Variants in ABR observed in about 807,000 individuals in gnomAD.
The protein encoded by ABR is ABR activator of RhoGEF and GTPase, also known as active breakpoint cluster region-related protein.
A neutral mutation model predicts 107.2 loss-of-function variants in ABR; 35 were observed. The observed-to-expected ratio is 0.33, with a 90% confidence interval of 0.25 to 0.43. The LOEUF (loss-of-function observed/expected upper bound fraction) is 0.43, where lower values mean the gene tolerates loss of function less well. Among genes scored for constraint, ABR ranks in the 20% least tolerant of loss-of-function variants. The pLI is 1.00. For missense variants in ABR, 815 were observed against 1,115.2 expected (o/e 0.73, Z 3.83); for synonymous variants, 498 against 462.0 (o/e 1.08, Z -1.00).
chr17:1,214,832 A>G (rs2042968734), intron 1 of ABR, among the ~76,000 whole-genome samples: 1 of 151,758 alleles, frequency 6.6e-6, no homozygotes, highest in African/African-American at 2.4e-5. Flanking sequence ...TTGATTGTAC[A>G]TAGTTTTTCC....
Position 1,148,981 on chromosome 17 carries a change from A to G in ABR, c.62-23614T>C, listed in dbSNP as rs1405849240. ...CAGTGGCGCCATCTCGGCTCACTGC[A>G]AGCTCCGCCTCCTGGGTTCACGCCA... On this transcript the variant is annotated intron_variant, in intron 1 of 22. Transcript: ENST00000302538. The surrounding 1 kb of genome is among the most constrained non-coding windows in gnomAD (Gnocchi z 4.9). 6.6e-6 allele frequency among the ~76,000 whole-genome samples: 1 copy of G among 151,196 alleles called. No individual in the cohort carries two copies. Among genetic ancestry groups the G allele is most frequent in the Non-Finnish European group, 1.5e-5 (1 of 67,872 alleles).
Position 1,211,812 on chromosome 17 carries a change from G to A in ABR, c.838+16981C>T, listed in dbSNP as rs142874252. On this transcript the variant is annotated intron_variant, in intron 1 of 22. Transcript: ENST00000574139. ...TTACTGTAACAAGGCCGGCCACGGT[G>A]GCTCATGCCTGTAATCCCAGCACTT... Among the ~76,000 whole-genome samples the A allele has an allele frequency of 6.4e-3, 982 of 152,262 alleles. 5 individuals are homozygous for A. The highest frequency in any genetic ancestry group is 0.022 in the African/African-American group (916 of 41,534).
intron 16 of ABR, among the ~76,000 whole-genome samples, chr17:1,022,269 G>A (rs1255039699): frequency 6.6e-6 from 1 of 152,202 alleles, no homozygotes; most frequent in South Asian, 2.1e-4. Flanking sequence ...GGGTCTGAGG[G>A]TGGGCACGTT....
intron 2 of ABR, 96 bp from the exon 3 acceptor site, chr17:1,100,831 A>ATTT: frequency 9.4e-7 from 1 of 1,062,782 alleles, no homozygotes; most frequent in Non-Finnish European, 1.4e-6. Context: ...CCCGACCTTT[A>ATTT]TTTTTTTTTT....
At chr17:1,115,000 A>G (rs184759507) in intron 2 of ABR, among the ~76,000 whole-genome samples, 3 of 152,326 alleles carry the variant, frequency 2.0e-5, no homozygotes, top group African/African-American at 7.2e-5. Flanking sequence ...AGAGTTCACA[A>G]TTCTAGCACG....
rs186865846 is a variant in ABR, at chr17:1,127,639, G to A, written c.62-2272C>T. ...CTCCAGGCTGCCCTGTTGGTGCCTG[G>A]AGTCCAGGGAAAATAAGCAATAGTG... is the stretch of plus-strand genomic sequence containing the variant. On this transcript the variant is annotated intron_variant, in intron 1 of 22. Coordinates refer to ENST00000302538, the MANE Select transcript of ABR (RefSeq NM_021962.5). Among the ~76,000 whole-genome samples the A allele has an allele frequency of 5.3e-5, 8 of 152,270 alleles. No homozygotes were observed. In the East Asian group the frequency reaches 1.2e-3, roughly 22 times the overall value.
At position 1,177,020 on chromosome 17, in the gene ABR, T is replaced by C. The variant is rs1319209898; in HGVS notation, c.61+2647A>G. Among the ~76,000 whole-genome samples, 4 of 152,040 alleles carry C rather than the reference T, an allele frequency of 2.6e-5. No individual in the cohort carries two copies. The East Asian group carries it at 7.7e-4, about 29-fold the overall frequency. On this transcript the variant is annotated intron_variant, in intron 1 of 22. Transcript: ENST00000302538. ...AACCTCTAACACCGAGTCATTCCCA[T>C]CTCTAAGTCACACTGCCACCCTGTG...
At chr17:1,093,575 T>C (rs2037182370) in intron 3 of ABR, among the ~76,000 whole-genome samples, 2 of 152,230 alleles carry the variant, frequency 1.3e-5, no homozygotes, top group Admixed American at 6.5e-5. Flanking sequence ...CTGTCCCCCA[T>C]AGGATTAAGT....
intron 4 of ABR, among the ~76,000 whole-genome samples, chr17:1,088,087 TC>T (rs1305264189): frequency 6.6e-6 from 1 of 151,340 alleles, no homozygotes; most frequent in Non-Finnish European, 1.5e-5. Context: ...CTGACCCGGC[TC>T]CCCCCGGGCC....
rs2073276156 is a variant in ABR at position 1,037,372 on chromosome 17, G to A, written c.1791+12678C>T. 6.6e-6 allele frequency among the ~76,000 whole-genome samples: 1 copy of A among 152,122 alleles called. No individual in the cohort carries two copies. The highest frequency in any genetic ancestry group is 2.4e-5 in the African/African-American group (1 of 41,420). On this transcript the variant is annotated intron_variant, in intron 16 of 22. Transcript: ENST00000302538. This position sits in a 1 kb window ranked among gnomAD's most constrained non-coding sequence, Gnocchi z 4.6. ...TGACCTCCAGCCTCTCTCTGGCCAC[G>A]TCAGGCTGGTGTCGCCAGGGTGCTC...
intron 2 of ABR, chr17:1,101,014 G>C (rs559669536): frequency 2.2e-6 from 1 of 456,512 alleles, no homozygotes; most frequent in Admixed American, 3.4e-5. Context: ...AGTAGAGATG[G>C]GGTTTCACCA....
intron 1 of ABR, chr17:1,125,784 C>G (rs879344682): frequency 4.5e-6 from 1 of 219,780 alleles, no homozygotes; most frequent in Non-Finnish European, 8.8e-6. Flanking sequence ...GGGGGCCGGT[C>G]GATGTCACTT....
intron 1 of ABR, among the ~76,000 whole-genome samples, chr17:1,203,281 C>A (rs1392084263): frequency 7.2e-6 from 1 of 139,780 alleles, no homozygotes; most frequent in Non-Finnish European, 1.6e-5. Context: ...GGCTCCCGCG[C>A]AGTCCTCAGG....
At chr17:1,197,989 G>A (rs901974087) in intron 1 of ABR, among the ~76,000 whole-genome samples, 18 of 151,696 alleles carry the variant, frequency 1.2e-4, no homozygotes, top group South Asian at 4.1e-4. Flanking sequence ...TGCTGCGCCC[G>A]GCTGGCCGCA....
upstream of ABR, chr17:1,184,968 G>A (rs1259935890): frequency 2.0e-5 from 3 of 152,208 alleles, no homozygotes; most frequent in African/African-American, 7.2e-5. Context: ...CTAAGCCATT[G>A]GCTAACTAGC....
intron 1 of ABR, among the ~76,000 whole-genome samples, chr17:1,178,432 T>C (rs888310743): frequency 1.3e-5 from 2 of 151,850 alleles, no homozygotes; most frequent in Admixed American, 1.3e-4. Context: ...AGAGTGGTGG[T>C]GGGTACCTGT....
At chr17:1,226,625 T>C (rs2043222811) in intron 1 of ABR, among the ~76,000 whole-genome samples, 1 of 151,668 alleles carries the variant, frequency 6.6e-6, no homozygotes, top group Admixed American at 6.6e-5. Context: ...TGTGTGTGCA[T>C]GTATGTACAT....
Position 1,078,858 on chromosome 17 carries a change from A to T in ABR, c.700+472T>A, listed in dbSNP as rs1044535038. 9 of 1,535,418 alleles carry T rather than the reference A, an allele frequency of 5.9e-6. No homozygotes were observed. Among genetic ancestry groups the T allele is most frequent in the African/African-American group, 1.4e-5 (1 of 73,038 alleles). On this transcript the variant is annotated intron_variant, in intron 6 of 22. Transcript: ENST00000302538. The surrounding 1 kb of genome is among the most constrained non-coding windows in gnomAD (Gnocchi z 7.5). ...GAAGCGAATAATGAGGAGAATCTCC[A>T]TGGCAGCCTCTGTCCCCGCGGCGGG...
At chr17:1,113,283 T>G (rs1055230893) in intron 2 of ABR, among the ~76,000 whole-genome samples, 2 of 136,984 alleles carry the variant, frequency 1.5e-5, no homozygotes, top group Admixed American at 7.3e-5. Flanking sequence ...TTGCGATTTT[T>G]TTTTTTTTTT....
Sources: gnomAD v4.1 joint callset for allele counts (sites outside exome capture counted in the v4.1 genomes callset) on GRCh38, gnomAD v4.1.1 for gene constraint, Gnocchi (gnomAD v3.1) non-coding constraint, MANE v1.5 for transcripts, NCBI Gene and HGNC (gene_info 2026-07-23, HGNC 2026-07-21) for gene names.